HMBOX1: variants seen among roughly 807,000 people sequenced by gnomAD.
HMBOX1 encodes homeobox-containing protein 1.
In HMBOX1, 14 loss-of-function variants were observed where a neutral mutation model predicts 54.5. That is an observed-to-expected ratio of 0.26 (90% CI 0.17 to 0.40). HMBOX1 has a LOEUF of 0.40. Ranked by LOEUF, HMBOX1 falls within the 10% of genes least tolerant of loss-of-function variation. The pLI, the probability that HMBOX1 is intolerant of heterozygous loss-of-function variation, is 1.00. For missense variants in HMBOX1, 332 were observed against 514.4 expected, an observed-to-expected ratio of 0.65 and a Z score of 3.43; for synonymous variants, 160 against 181.0, an observed-to-expected ratio of 0.88 and a Z score of 0.93.
At chr8:29,049,498 C>T (rs1806119623) in intron 9 of HMBOX1, 1 of 1,444,692 alleles carries the variant, frequency 6.9e-7, no homozygotes, top group Non-Finnish European at 9.1e-7. Flanking sequence ...ATGGAAGGCC[C>T]CACTCACTCT....
chr8:28,931,345 G>T (rs1188259017), intron 1 of HMBOX1, among the ~76,000 whole-genome samples: 1 of 152,164 alleles, frequency 6.6e-6, no homozygotes, highest in South Asian at 2.1e-4. Context: ...GTGCTCATGC[G>T]TAGTCCTGGT....
intron 1 of HMBOX1, among the ~76,000 whole-genome samples, chr8:28,925,742 C>A (rs929175237): frequency 1.3e-5 from 2 of 151,906 alleles, no homozygotes; most frequent in Non-Finnish European, 2.9e-5. Flanking sequence ...ACTTTTATTT[C>A]AAGAAATCTT....
chr8:29,049,305 C>T (rs981368633), intron 9 of HMBOX1: 4 of 1,535,402 alleles, frequency 2.6e-6, no homozygotes, highest in Middle Eastern at 1.7e-4. Context: ...TTGGCAAGTA[C>T]GCAATGGGGA....
intron 3 of HMBOX1, among the ~76,000 whole-genome samples, chr8:28,976,763 G>T (rs1468802839): frequency 1.4e-5 from 2 of 147,054 alleles, no homozygotes; most frequent in African/African-American, 5.1e-5. Flanking sequence ...TTGGAGTGCA[G>T]TGGCACGTTT....
chr8:28,979,756 G>T (rs1392523352), intron 3 of HMBOX1, among the ~76,000 whole-genome samples: 2 of 152,116 alleles, frequency 1.3e-5, no homozygotes, highest in African/African-American at 2.4e-5. Context: ...ATGAAACTTT[G>T]TATATACCAT....
intron 1 of HMBOX1, among the ~76,000 whole-genome samples, chr8:28,920,919 CA>C (rs1230169018): frequency 6.6e-6 from 1 of 152,102 alleles, no homozygotes; most frequent in Non-Finnish European, 1.5e-5. Flanking sequence ...ATAAACCAGA[CA>C]AAAAATATAA....
chr8:28,997,894 A>G, intron 4 of HMBOX1, among the ~76,000 whole-genome samples: 1 of 152,128 alleles, frequency 6.6e-6, no homozygotes, highest in East Asian at 1.9e-4. Context: ...TTTTGGTATT[A>G]GGATAATACT....
intron 4 of HMBOX1, among the ~76,000 whole-genome samples, chr8:28,984,817 T>C (rs979674014): frequency 6.6e-6 from 1 of 152,136 alleles, no homozygotes; most frequent in Non-Finnish European, 1.5e-5. Flanking sequence ...AATTCAAGCA[T>C]GCAGAATAAA....
At chr8:28,916,548 C>A (rs556844158) in intron 1 of HMBOX1, among the ~76,000 whole-genome samples, 1 of 152,246 alleles carries the variant, frequency 6.6e-6, no homozygotes, top group African/African-American at 2.4e-5. Context: ...TGTTCTAGCT[C>A]CATTTATTGA....
chr8:28,980,177 T>C (rs371341586), intron 4 of HMBOX1, 21 bp downstream of exon 4: 14 of 1,550,244 alleles, frequency 9.0e-6, no homozygotes, highest in African/African-American at 6.8e-5. Flanking sequence ...AAGAGCCCTT[T>C]ATTCTGGAAT....
intron 6 of HMBOX1, among the ~76,000 whole-genome samples, chr8:29,039,117 A>G (rs776266988): frequency 2.3e-4 from 35 of 152,292 alleles, no homozygotes; most frequent in Admixed American, 1.6e-3. Flanking sequence ...TGTATTCATA[A>G]AACTAATATA....
chr8:28,986,735 G>A (rs1830220025), intron 4 of HMBOX1, among the ~76,000 whole-genome samples: 1 of 152,134 alleles, frequency 6.6e-6, no homozygotes, highest in African/African-American at 2.4e-5. Context: ...AGCCTCAGGG[G>A]AATAGGAACA....
chr8:29,018,116 T>C (rs531140817), intron 5 of HMBOX1, among the ~76,000 whole-genome samples: 8 of 152,278 alleles, frequency 5.3e-5, no homozygotes, highest in South Asian at 2.1e-4. Context: ...CCAAGTTACA[T>C]TGAAAGTCTA....
intron 3 of HMBOX1, among the ~76,000 whole-genome samples, chr8:28,973,204 TA>T (rs1368006661): frequency 3.9e-5 from 6 of 152,180 alleles, no homozygotes; most frequent in African/African-American, 1.4e-4. Flanking sequence ...TTATAATCAT[TA>T]AAACCATGAT....
intron 6 of HMBOX1, among the ~76,000 whole-genome samples, chr8:29,041,449 A>G (rs1220527345): frequency 6.6e-6 from 1 of 152,060 alleles, no homozygotes; most frequent in Non-Finnish European, 1.5e-5. Context: ...CGTCAACACT[A>G]TCATTAGTGG....
chr8:28,954,169 T>G (rs1823993342), intron 1 of HMBOX1, among the ~76,000 whole-genome samples: 1 of 152,136 alleles, frequency 6.6e-6, no homozygotes, highest in Non-Finnish European at 1.5e-5. Context: ...GCCAATAATG[T>G]CTAATTTATG....
intron 6 of HMBOX1, among the ~76,000 whole-genome samples, chr8:29,042,266 T>A (rs1293529114): frequency 6.6e-6 from 1 of 151,650 alleles, no homozygotes; most frequent in Non-Finnish European, 1.5e-5. Flanking sequence ...GGGAATGAGG[T>A]CAAAGACAAA....
intron 1 of HMBOX1, among the ~76,000 whole-genome samples, chr8:28,917,296 G>A (rs907276834): frequency 1.3e-5 from 2 of 151,880 alleles, no homozygotes; most frequent in Non-Finnish European, 2.9e-5. Context: ...TTAGACTTAT[G>A]CCTAAATATT....
At chr8:28,898,476 G>A (rs1407449181) in intron 1 of HMBOX1, among the ~76,000 whole-genome samples, 3 of 152,224 alleles carry the variant, frequency 2.0e-5, no homozygotes, top group South Asian at 4.1e-4. Flanking sequence ...AAGGACAGGC[G>A]TTGTAGGGAT....
Sources: gnomAD v4.1 joint callset for allele counts (sites outside exome capture counted in the v4.1 genomes callset) on GRCh38, gnomAD v4.1.1 for gene constraint, MANE v1.5 for transcripts, NCBI Gene and HGNC (gene_info 2026-07-23, HGNC 2026-07-21) for gene names.